Variants in NAA25 observed in about 807,000 individuals in gnomAD.
NAA25 encodes the protein N-alpha-acetyltransferase 25, NatB auxiliary subunit, also known as N-terminal acetyltransferase B complex subunit NAA25.
NAA25 carries 30 observed loss-of-function variants against 132.5 expected under a neutral mutation model. The ratio of observed to expected loss-of-function variants is 0.23; its 90% CI spans 0.17 to 0.31. The LOEUF is 0.31. NAA25 is among the 10% of genes least tolerant of loss of function. The probability of loss-of-function intolerance (pLI) is 1.00; values close to 1 mark genes in which losing one functional copy is unlikely to be tolerated. For missense variants in NAA25, 771 were observed against 1,150.4 expected (o/e 0.67, Z 4.77); for synonymous variants, 359 against 401.9 (o/e 0.89, Z 1.28).
Position 112,027,123 on chromosome 12 carries a change from G to GC in NAA25, c.*2407_*2408insG, listed in dbSNP as rs2078096440. 6.6e-6 allele frequency: 1 copy of GC among 152,438 alleles called. No homozygotes were observed. Among genetic ancestry groups the GC allele is most frequent in the African/African-American group, 2.4e-5 (1 of 41,396 alleles). 9.4% of individuals were successfully genotyped at this position (152,438 alleles called of 1,614,324 possible). A position where few individuals can be genotyped will look rare whatever the true frequency, so the allele number is the denominator to read the frequency against. ...ATAAAAAGCAATAATTTTTCAGTCTGTAAACAGTAGTCGTGATTTTTCTCC... is the reference window on the plus strand; with the variant it reads ...ATAAAAAGCAATAATTTTTCAGTCTGCTAAACAGTAGTCGTGATTTTTCTCC... On this transcript the variant is annotated 3_prime_UTR_variant, in exon 24 of 24. Transcript: ENST00000261745.
At chr12:112,083,217 C>A (rs950440657) in intron 4 of NAA25, among the ~76,000 whole-genome samples, 1 of 152,124 alleles carries the variant, frequency 6.6e-6, no homozygotes, top group Non-Finnish European at 1.5e-5. Context: ...CCGTGGCTCA[C>A]GCCTGTAATC....
At chr12:112,103,139 A>G (rs977801004) in intron 1 of NAA25, among the ~76,000 whole-genome samples, 1 of 152,120 alleles carries the variant, frequency 6.6e-6, no homozygotes, top group South Asian at 2.1e-4. Context: ...GGCGCCTGCC[A>G]CCACACCTGG....
At position 112,092,435 on chromosome 12, in the gene NAA25, A is replaced by G. The variant is rs2079147026; in HGVS notation, c.144+616T>C. On this transcript the variant is annotated intron_variant, in intron 2 of 23. Transcript: ENST00000261745. ...AGGTCGGGAGTTTGAGACCAGCCCGACCAACATGGGGAAACCCCATCTCTA... is the reference window on the plus strand; with the variant it reads ...AGGTCGGGAGTTTGAGACCAGCCCGGCCAACATGGGGAAACCCCATCTCTA... 2.0e-5 allele frequency among the ~76,000 whole-genome samples: 3 copies of G among 152,034 alleles called. No individual in the cohort carries two copies. In the South Asian group the frequency reaches 6.2e-4, roughly 32 times the overall value.
At chr12:112,069,109 G>T (rs1217587170) in intron 10 of NAA25, 117 bp from the exon 11 acceptor site, 1 of 637,954 alleles carries the variant, frequency 1.6e-6, no homozygotes, top group Non-Finnish European at 2.8e-6. Context: ...CTTGCAACTG[G>T]TCCCAAGATA....
rs2136787017 is a variant in NAA25, at chr12:112,026,957, T to C, written c.*2574A>G. The C allele has an allele frequency of 6.5e-6, 1 of 152,726 alleles. No individual in the cohort carries two copies. The highest frequency in any genetic ancestry group is 6.5e-5 in the Admixed American group (1 of 15,304). 9.5% of individuals were successfully genotyped at this position (152,726 alleles called of 1,614,324 possible). A position where few individuals can be genotyped will look rare whatever the true frequency, so the allele number is the denominator to read the frequency against. ...TTAAAATTATGAAAATATACAAAAT[T>C]GATGGGCAACACAACTAGGCATTTG... On this transcript the variant is annotated 3_prime_UTR_variant, in exon 24 of 24. Transcript: ENST00000261745.
chr12:112,042,679 G>A (rs759528233), intron 19 of NAA25, among the ~76,000 whole-genome samples: 2 of 152,130 alleles, frequency 1.3e-5, no homozygotes, highest in Non-Finnish European at 2.9e-5. Flanking sequence ...GCTAATTTCT[G>A]TATTTTTAGT....
At chr12:112,071,830 T>TGGTTG in intron 10 of NAA25, 65 bp downstream of exon 10, 1 of 1,171,714 alleles carries the variant, frequency 8.5e-7, no homozygotes. Flanking sequence ...AGATCTCAAC[T>TGGTTG]AATGAATATA....
At chr12:112,066,526 C>T (rs1361967754) in intron 11 of NAA25, among the ~76,000 whole-genome samples, 1 of 152,206 alleles carries the variant, frequency 6.6e-6, no homozygotes, top group African/African-American at 2.4e-5. Flanking sequence ...CTTCTAAAGA[C>T]AGCTTTTCAA....
At chr12:112,082,775 G>A (rs1347505170) in intron 4 of NAA25, among the ~76,000 whole-genome samples, 4 of 140,124 alleles carry the variant, frequency 2.9e-5, no homozygotes, top group Non-Finnish European at 4.6e-5. Context: ...ACATAACATG[G>A]TGGCAGGGGG....
At chr12:112,036,952 G>C (rs1245274331) in intron 22 of NAA25, among the ~76,000 whole-genome samples, 1 of 151,898 alleles carries the variant, frequency 6.6e-6, no homozygotes, top group African/African-American at 2.4e-5. Context: ...ACTAGAAGCA[G>C]TGAACCCCAA....
chr12:112,029,550 G>A lies in NAA25; in HGVS notation c.2900C>T (p.Thr967Ile). Residue 967 changes from threonine to isoleucine, a missense_variant, in exon 24 of 24, where the codon ACA (threonine) becomes ATA (isoleucine). Thr to Ile is a moderately conservative substitution (Grantham distance 89). Around this residue, in one of 3 missense-constraint regions of NAA25, gnomAD observed 324 missense variants for 400.0 expected, o/e 0.81. Transcript: ENST00000261745. ...GELLKKRLET[T>I]KKLKI is the part of the protein sequence containing the mutation. ...ACTTCCTTAAATTTTTAGTTTCTTT[G>A]TGGTCTCAAGTCTTTTTTTCAGCAG... The A allele has an allele frequency of 6.2e-7, 1 of 1,613,948 alleles. No individual in the cohort carries two copies. The highest frequency in any genetic ancestry group is 8.5e-7 in the Non-Finnish European group (1 of 1,179,938).
In NAA25 at chr12:112,100,614, C is replaced by CTTTTTTTTT. The variant is rs71083200; in HGVS notation, c.59-7487_59-7479dup. On this transcript the variant is annotated intron_variant, in intron 1 of 23. Coordinates refer to ENST00000261745, the MANE Select transcript of NAA25 (RefSeq NM_024953.4). ...TTTTCACAGGTATTGATTCCATTGT[C>CTTTTTTTTT]TTTTTTTTTTTTTTTTTTTTTTTGA... Among the ~76,000 whole-genome samples the CTTTTTTTTT allele has an allele frequency of 1.4e-4, 14 of 100,628 alleles. No individual in the cohort carries two copies. The East Asian group carries it at 2.1e-3, about 15-fold the overall frequency. The allele number at this position is 100,628 out of a possible 152,430, so 66.0% of individuals were successfully genotyped here. A position where few individuals can be genotyped will look rare whatever the true frequency, so the allele number is the denominator to read the frequency against.
Position 112,068,888 on chromosome 12 carries a change from A to T in NAA25, c.1141T>A (p.Cys381Ser). Reference protein sequence around the residue: ...VFVDLLPATQCTKFINQLLGV... With the variant: ...VFVDLLPATQSTKFINQLLGV... ...AACTGTATAGTACTTACTTTTGTAC[A>T]CTGTGTAGCAGGTAAGAGGTCAACA... Residue 381 changes from cysteine (C) to serine (S), a missense_variant, in exon 11 of 24, where the codon TGT becomes AGT. This residue lies in a region of NAA25 where 417 missense variants were observed against 733.8 expected (regional missense o/e 0.57). Transcript: ENST00000261745. 6.3e-7 allele frequency: 1 copy of T among 1,595,264 alleles called. No homozygotes were observed. Among genetic ancestry groups the T allele is most frequent in the Non-Finnish European group, 8.6e-7 (1 of 1,166,736 alleles).
intron 17 of NAA25, among the ~76,000 whole-genome samples, chr12:112,044,669 C>T (rs2078351768): frequency 6.9e-6 from 1 of 145,346 alleles, no homozygotes. Flanking sequence ...GACTCCATCT[C>T]AAAACAAAAC....
At position 112,091,154 on chromosome 12, in the gene NAA25, T is replaced by C. The variant is rs556107443; in HGVS notation, c.145-290A>G. On this transcript the variant is annotated intron_variant, in intron 2 of 23. Transcript: ENST00000261745. ...GTATGGTGGTGTGCACCCAGCTACT[T>C]GACAGGTTGAGATGGGAGGACTCCT... Among the ~76,000 whole-genome samples the C allele has an allele frequency of 4.7e-5, 7 of 150,300 alleles. No homozygotes were observed. In the East Asian group the frequency reaches 1.4e-3, roughly 30 times the overall value.
At chr12:112,089,060 C>G (rs1194634346) in intron 3 of NAA25, among the ~76,000 whole-genome samples, 3 of 152,062 alleles carry the variant, frequency 2.0e-5, no homozygotes, top group South Asian at 2.1e-4. Flanking sequence ...TGTAAATACT[C>G]AGATATAATA....
chr12:112,054,104 T>A (rs1382393451), intron 14 of NAA25, among the ~76,000 whole-genome samples: 1 of 152,194 alleles, frequency 6.6e-6, no homozygotes. Flanking sequence ...AAAGCGGAAA[T>A]GAACACTTCA....
chr12:112,056,536 GAC>G (rs1382067397), intron 13 of NAA25, among the ~76,000 whole-genome samples: 1 of 152,044 alleles, frequency 6.6e-6, no homozygotes, highest in Non-Finnish European at 1.5e-5. Flanking sequence ...TAGCCTGGAT[GAC>G]AGTGTCTCAA....
intron 10 of NAA25, 67 bp downstream of exon 10, chr12:112,071,828 A>ATTGTCGC: frequency 9.0e-7 from 1 of 1,106,784 alleles, no homozygotes; most frequent in South Asian, 2.0e-5. Flanking sequence ...GTAGATCTCA[A>ATTGTCGC]CTAATGAATA....
Sources: allele counts gnomAD v4.1 joint callset (sites outside exome capture counted in the v4.1 genomes callset), GRCh38; gene constraint gnomAD v4.1.1; regional missense constraint gnomAD v4.1.1; transcripts MANE v1.5; gene names NCBI Gene and HGNC (gene_info 2026-07-23, HGNC 2026-07-21).